CFAP210: variants seen among roughly 807,000 people sequenced by gnomAD.
CFAP210 encodes cilia- and flagella- associated protein 210.
chr2:169,682,278 G>C, the CFAP210 span, among the ~76,000 whole-genome samples: 1 of 152,166 alleles, frequency 6.6e-6, no homozygotes, highest in Non-Finnish European at 1.5e-5. Flanking sequence ...CTCCTAGAGA[G>C]CCATAGTCAT....
the CFAP210 span, among the ~76,000 whole-genome samples, chr2:169,692,452 A>G: frequency 0.084 from 12,418 of 148,166 alleles, 561 homozygotes; most frequent in Middle Eastern, 0.12. Context: ...ACGCACACAC[A>G]CACACACACA....
the CFAP210 span, among the ~76,000 whole-genome samples, chr2:169,650,734 CTGTGTGTGTGTGTGTGTGTGTG>C: frequency 6.8e-6 from 1 of 147,108 alleles, no homozygotes; most frequent in African/African-American, 2.5e-5. Flanking sequence ...TATGTATAAT[CTGTGTGTGTGTGTGTGTGTGTG>C]TGTGTGTGTG....
chr2:169,677,602 T>A, the CFAP210 span, among the ~76,000 whole-genome samples: 1 of 152,194 alleles, frequency 6.6e-6, no homozygotes, highest in African/African-American at 2.4e-5. Context: ...AACCATACAC[T>A]TAGCATCATA....
the CFAP210 span, among the ~76,000 whole-genome samples, chr2:169,692,249 C>A: frequency 6.6e-6 from 1 of 152,110 alleles, no homozygotes; most frequent in African/African-American, 2.4e-5. Flanking sequence ...TCACTGCCTG[C>A]CTGTTTCATG....
At chr2:169,692,508 GAA>G in the CFAP210 span, among the ~76,000 whole-genome samples, 1 of 151,028 alleles carries the variant, frequency 6.6e-6, no homozygotes, top group Non-Finnish European at 1.5e-5. Flanking sequence ...GAGAGAGAGA[GAA>G]AGAAGAGGGC....
the CFAP210 span, among the ~76,000 whole-genome samples, chr2:169,684,309 T>C: frequency 3.9e-5 from 6 of 152,220 alleles, no homozygotes; most frequent in East Asian, 1.2e-3. Context: ...TAGATCATCT[T>C]TTTATTGAGT....
the CFAP210 span, among the ~76,000 whole-genome samples, chr2:169,673,294 A>G: frequency 1.2e-3 from 177 of 152,348 alleles, no homozygotes; most frequent in African/African-American, 4.0e-3. Context: ...AGCACTTGCC[A>G]GGTAGCTTGC....
chr2:169,656,964 C>CACA, the CFAP210 span, among the ~76,000 whole-genome samples: 1 of 40,338 alleles, frequency 2.5e-5, no homozygotes, highest in African/African-American at 1.2e-4. Flanking sequence ...GACTCCATCT[C>CACA]AAAAAAAAAA....
At chr2:169,661,307 C>A in the CFAP210 span, 1 of 507,122 alleles carries the variant, frequency 2.0e-6, no homozygotes, top group African/African-American at 2.0e-5. Flanking sequence ...ACTACATTCA[C>A]CTAATTAATT....
the CFAP210 span, chr2:169,662,229 G>C: frequency 6.4e-7 from 1 of 1,559,386 alleles, no homozygotes; most frequent in Non-Finnish European, 8.7e-7. Context: ...AATTTTAAAA[G>C]TTGGGCATTT....
chr2:169,674,343 G>GT, the CFAP210 span, among the ~76,000 whole-genome samples: 24 of 151,702 alleles, frequency 1.6e-4, no homozygotes. Context: ...AAGTAAACAT[G>GT]TTTTTTTTGC....
the CFAP210 span, chr2:169,650,543 C>A: frequency 6.8e-7 from 1 of 1,467,876 alleles, no homozygotes; most frequent in South Asian, 1.5e-5. Flanking sequence ...TAACCATACT[C>A]GTCAAATCTT....
At chr2:169,649,304 C>A in the CFAP210 span, 9 of 1,612,904 alleles carry the variant, frequency 5.6e-6, no homozygotes, top group African/African-American at 1.2e-4. Context: ...TGTTCTTTAG[C>A]CTCTATTTTT....
the CFAP210 span, among the ~76,000 whole-genome samples, chr2:169,646,850 C>G: frequency 0.026 from 4,026 of 152,010 alleles, 192 homozygotes; most frequent in African/African-American, 0.092. Flanking sequence ...CTGTGATGCT[C>G]TGGTTGGCAA....
chr2:169,679,757 C>T, the CFAP210 span, among the ~76,000 whole-genome samples: 2 of 150,354 alleles, frequency 1.3e-5, no homozygotes, highest in East Asian at 3.9e-4. Flanking sequence ...CAGCATTTAC[C>T]TCCCACCTAT....
the CFAP210 span, among the ~76,000 whole-genome samples, chr2:169,689,654 G>T: frequency 6.6e-6 from 1 of 152,172 alleles, no homozygotes; most frequent in Non-Finnish European, 1.5e-5. Flanking sequence ...ATGTTAAACA[G>T]AAGTGACGAA....
the CFAP210 span, among the ~76,000 whole-genome samples, chr2:169,683,978 C>G: frequency 6.6e-6 from 1 of 152,284 alleles, no homozygotes; most frequent in African/African-American, 2.4e-5. Context: ...TGGTTGAGAA[C>G]AGAGCTATAG....
the CFAP210 span, chr2:169,661,227 C>G: frequency 7.0e-6 from 4 of 570,270 alleles, no homozygotes; most frequent in Non-Finnish European, 1.4e-5. Context: ...GCTGGATTAC[C>G]TCTTGTATTT....
chr2:169,667,285 C>T, the CFAP210 span, among the ~76,000 whole-genome samples: 4 of 151,866 alleles, frequency 2.6e-5, no homozygotes, highest in East Asian at 7.7e-4. Context: ...ATTACAGGTG[C>T]CCGCCACCAT....
Sources: allele counts gnomAD v4.1 joint callset (sites outside exome capture counted in the v4.1 genomes callset), GRCh38; gene constraint gnomAD v4.1.1; transcripts MANE v1.5; gene names NCBI Gene and HGNC (gene_info 2026-07-23, HGNC 2026-07-21).